AK9: variants seen among roughly 807,000 people sequenced by gnomAD.
AK9 encodes the protein adenylate kinase domain containing 1.
AK9 carries 191 observed loss-of-function variants against 239.6 expected under a neutral mutation model. The ratio of observed to expected loss-of-function variants is 0.80; its 90% CI spans 0.71 to 0.90. The LOEUF (loss-of-function observed/expected upper bound fraction) is 0.90. Ranked by LOEUF, AK9 falls within the 40% of genes least tolerant of loss-of-function variation. The pLI is 0.00. For missense variants in AK9, 1,995 were observed against 2,214.7 expected, an observed-to-expected ratio of 0.90 and a Z score of 1.99; for synonymous variants, 689 against 721.0, an observed-to-expected ratio of 0.96 and a Z score of 0.71.
chr6:109,606,955 A>G (rs1346238768), intron 17 of AK9, among the ~76,000 whole-genome samples: 1 of 152,230 alleles, frequency 6.6e-6, no homozygotes, highest in East Asian at 1.9e-4. Flanking sequence ...AATTATTTAA[A>G]AAATGCTTAA....
Position 109,569,912 on chromosome 6 carries a change from C to T in AK9, c.2344+3530G>A, listed in dbSNP as rs187694447. 2.9e-3 allele frequency among the ~76,000 whole-genome samples: 445 copies of T among 152,290 alleles called. 3 individuals are homozygous for T. The highest frequency in any genetic ancestry group is 0.01 in the African/African-American group (431 of 41,548). On this transcript the variant is annotated intron_variant, in intron 21 of 40. Coordinates refer to ENST00000424296, the MANE Select transcript of AK9 (RefSeq NM_001145128.3). ...CTAGAACTAGAAATACCATTTGACC[C>T]AGCCATCCCATTACTGGGCACATAC...
chr6:109,621,880 C>T (rs985588564), intron 12 of AK9, among the ~76,000 whole-genome samples: 1 of 74,714 alleles, frequency 1.3e-5, no homozygotes, highest in Non-Finnish European at 2.4e-5. Flanking sequence ...TACCCTAAAA[C>T]TTAAAGTATA....
chr6:109,607,768 G>GGTGTGTGTGTGTGTGT, intron 17 of AK9, among the ~76,000 whole-genome samples: 1 of 145,382 alleles, frequency 6.9e-6, no homozygotes, highest in Admixed American at 6.9e-5. Flanking sequence ...CCAGCAGAGG[G>GGTGTGTGTGTGTGTGT]GTGTGTGTGT....
intron 8 of AK9, among the ~76,000 whole-genome samples, chr6:109,650,308 A>G (rs1435777698): frequency 2.6e-5 from 4 of 152,048 alleles, no homozygotes; most frequent in Non-Finnish European, 5.9e-5. Context: ...AACCTACAGA[A>G]TGGGAGAAAA....
At chr6:109,601,124 G>C (rs941599814) in intron 17 of AK9, among the ~76,000 whole-genome samples, 1 of 152,096 alleles carries the variant, frequency 6.6e-6, no homozygotes, top group Non-Finnish European at 1.5e-5. Flanking sequence ...GCTAGCTTTT[G>C]AATTTGTTTG....
chr6:109,608,934 A>G (rs1214061920), intron 17 of AK9, among the ~76,000 whole-genome samples: 1 of 152,166 alleles, frequency 6.6e-6, no homozygotes, highest in Non-Finnish European at 1.5e-5. Context: ...TCAAAGGAGC[A>G]TATCTCTAGC....
intron 5 of AK9, among the ~76,000 whole-genome samples, chr6:109,663,963 T>C (rs1800812175): frequency 6.6e-6 from 1 of 152,178 alleles, no homozygotes; most frequent in South Asian, 2.1e-4. Flanking sequence ...GCGAAAGCAA[T>C]ATATTGCAAC....
At chr6:109,537,150 T>C (rs1386631628) in intron 27 of AK9, among the ~76,000 whole-genome samples, 2 of 152,226 alleles carry the variant, frequency 1.3e-5, no homozygotes, top group African/African-American at 2.4e-5. Flanking sequence ...CCTCTTTTTC[T>C]ATTGATTGGA....
At position 109,511,977 on chromosome 6, in the gene AK9, T is replaced by C. The variant is rs148212161; in HGVS notation, c.4279+2247A>G. On this transcript the variant is annotated intron_variant, in intron 32 of 40. Transcript: ENST00000424296. Reference sequence around the variant, plus strand: ...ATTATCTTTGTGAACATTTAGGATATGATTATGTCAGAGGCGTGCAAACAA... The same window carrying C: ...ATTATCTTTGTGAACATTTAGGATACGATTATGTCAGAGGCGTGCAAACAA... 2.9e-3 allele frequency among the ~76,000 whole-genome samples: 448 copies of C among 152,274 alleles called. 4 individuals carry two copies. Among genetic ancestry groups the C allele is most frequent in the African/African-American group, 9.8e-3 (406 of 41,560 alleles).
chr6:109,493,323 A>G lies in AK9; in HGVS notation c.*46T>C. ...CTACTTCTCTCAGTTTCCCTCTATC[A>G]CTTTCAGATAACTCTTGAGATTCAG... On this transcript the variant is annotated 3_prime_UTR_variant, in exon 41 of 41. Transcript: ENST00000424296. The G allele has an allele frequency of 6.4e-7, 1 of 1,568,528 alleles. No individual in the cohort carries two copies. Among genetic ancestry groups the G allele is most frequent in the Non-Finnish European group, 8.7e-7 (1 of 1,144,552 alleles).
chr6:109,685,833 G>C (rs921878184), intron 1 of AK9, among the ~76,000 whole-genome samples: 1 of 152,202 alleles, frequency 6.6e-6, no homozygotes, highest in Non-Finnish European at 1.5e-5. Context: ...TGAATGAAGA[G>C]TGATACCAAC....
Position 109,516,565 on chromosome 6 carries a change from T to C in AK9, c.3711A>G (p.Glu1237=). 1 of 1,551,386 alleles carries C rather than the reference T, an allele frequency of 6.4e-7. No homozygotes were observed. Among genetic ancestry groups the C allele is most frequent in the South Asian group, 1.2e-5 (1 of 84,060 alleles). ...EDNDDIENIL[E]DEFPKDEEEM... ...CTTCCTCATCTTTTGGAAACTCATCTTCAAGGATGTTTTCAATATCATCAT... is the reference window on the plus strand; with the variant it reads ...CTTCCTCATCTTTTGGAAACTCATCCTCAAGGATGTTTTCAATATCATCAT... The change falls in exon 30 of 41, where the codon GAA becomes GAG. Residue 1237 remains glutamate (E), a synonymous_variant. Transcript: ENST00000424296.
At chr6:109,687,116 C>T (rs755987951) in intron 1 of AK9, among the ~76,000 whole-genome samples, 2 of 152,218 alleles carry the variant, frequency 1.3e-5, no homozygotes, top group Non-Finnish European at 1.5e-5. Flanking sequence ...ATGAGTTCCT[C>T]TCACAAGTGG....
At chr6:109,670,668 A>C (rs537630896) in intron 5 of AK9, among the ~76,000 whole-genome samples, 24 of 152,208 alleles carry the variant, frequency 1.6e-4, no homozygotes, top group African/African-American at 5.8e-4. Context: ...AAACCAATTT[A>C]AGTTTTTCAA....
chr6:109,600,253 T>G (rs577103594), intron 17 of AK9, among the ~76,000 whole-genome samples: 42 of 152,360 alleles, frequency 2.8e-4, no homozygotes, highest in African/African-American at 9.6e-4. Flanking sequence ...ATACGTCCCA[T>G]CAATACCTAA....
rs749547321 is a variant in AK9, at chr6:109,493,552, G to A, written c.5553C>T (p.Ser1851=). Residue 1851 remains serine, a synonymous_variant, in exon 41 of 41, where the codon TCC becomes TCT. Coordinates refer to ENST00000424296, the MANE Select transcript of AK9 (RefSeq NM_001145128.3). ...LHLKAFNPKG[S]EYTRKKYKKK... Reference sequence around the variant, plus strand: ...TCTTATACTTTTTTCTTGTGTATTCGGAACCTTTGGGATTAAATGCTGTAG... The same window carrying A: ...TCTTATACTTTTTTCTTGTGTATTCAGAACCTTTGGGATTAAATGCTGTAG... The A allele has an allele frequency of 9.9e-6, 16 of 1,613,228 alleles. No homozygotes were observed. Among genetic ancestry groups the A allele is most frequent in the African/African-American group, 6.7e-5 (5 of 74,846 alleles).
chr6:109,613,075 TATA>T (rs1793764585), intron 15 of AK9, among the ~76,000 whole-genome samples: 1 of 150,290 alleles, frequency 6.7e-6, no homozygotes, highest in South Asian at 2.1e-4. Context: ...GACATTTAGA[TATA>T]ATAATAATCT....
chr6:109,540,544 C>T (rs1454590959), intron 27 of AK9, among the ~76,000 whole-genome samples: 1 of 152,328 alleles, frequency 6.6e-6, no homozygotes, highest in Non-Finnish European at 1.5e-5. Context: ...TGACCCCTTG[C>T]AGTTCCCTGG....
intron 29 of AK9, chr6:109,528,445 T>G (rs1449982716): frequency 4.8e-6 from 2 of 413,006 alleles, no homozygotes; most frequent in Non-Finnish European, 9.7e-6. Context: ...AATGAATAAA[T>G]GAATGAAAAT....
Sources: allele counts gnomAD v4.1 joint callset (sites outside exome capture counted in the v4.1 genomes callset), GRCh38; gene constraint gnomAD v4.1.1; transcripts MANE v1.5; gene names NCBI Gene and HGNC (gene_info 2026-07-23, HGNC 2026-07-21).